ADAMTS18: variants seen among roughly 807,000 people sequenced by gnomAD.
ADAMTS18 encodes the protein ADAM metallopeptidase with thrombospondin type 1 motif 18, also known as A disintegrin and metalloproteinase with thrombospondin motifs 18.
In ADAMTS18, 157 loss-of-function variants were observed where a neutral mutation model predicts 165.9. That is an observed-to-expected ratio of 0.95 (90% CI 0.83 to 1.08). ADAMTS18 has a LOEUF of 1.08. Among genes scored for constraint, ADAMTS18 ranks in the 50% least tolerant of loss-of-function variants. The pLI is 0.00. For synonymous variants in ADAMTS18, 782 were observed against 578.2 expected (o/e 1.35, Z -5.06); for missense variants, 2,040 against 1,534.0 (o/e 1.33, Z -5.51).
At chr16:77,399,818 A>C (rs1181532364) in intron 3 of ADAMTS18, among the ~76,000 whole-genome samples, 1 of 152,034 alleles carries the variant, frequency 6.6e-6, no homozygotes, top group Non-Finnish European at 1.5e-5. Flanking sequence ...TGCTACTACC[A>C]CTCCTACTAA....
chr16:77,413,380 G>T (rs902958757), intron 3 of ADAMTS18, among the ~76,000 whole-genome samples: 1 of 152,126 alleles, frequency 6.6e-6, no homozygotes, highest in Admixed American at 6.5e-5. Context: ...CTTACTCCTG[G>T]GGTGACTTCT....
At chr16:77,389,292 G>A (rs1309712954) in intron 3 of ADAMTS18, among the ~76,000 whole-genome samples, 2 of 152,178 alleles carry the variant, frequency 1.3e-5, no homozygotes, top group African/African-American at 4.8e-5. Context: ...GCGACAGAGT[G>A]AGACTTTATC....
Position 77,334,211 on chromosome 16 carries a change from CAGTGTTATATATTATATATAATATAT to C in ADAMTS18, c.1859+1519_1859+1544del, listed in dbSNP as rs1567491089. Reference sequence around the variant, plus strand: ...AGTGTTATATATTACATATAATATACAGTGTTATATATTATATATAATATATAGTGTTATATATTACATATAATATA... The same window carrying C: ...AGTGTTATATATTACATATAATATACAGTGTTATATATTACATATAATATA... On this transcript the variant is annotated intron_variant, in intron 12 of 22. Coordinates refer to ENST00000282849, the MANE Select transcript of ADAMTS18 (RefSeq NM_199355.4). Among the ~76,000 whole-genome samples the C allele has an allele frequency of 2.3e-3, 65 of 28,184 alleles. 11 individuals carry two copies. Among genetic ancestry groups the C allele is most frequent in the Non-Finnish European group, 3.7e-3 (55 of 14,682 alleles). 18.5% of individuals were successfully genotyped at this position (28,184 alleles called of 152,430 possible).
intron 11 of ADAMTS18, among the ~76,000 whole-genome samples, chr16:77,338,925 G>C (rs1300587028): frequency 6.9e-6 from 1 of 145,826 alleles, no homozygotes; most frequent in African/African-American, 2.6e-5. Flanking sequence ...CTGCACTCCA[G>C]CCTGGGCGAC....
chr16:77,399,097 C>G (rs1188673086), intron 3 of ADAMTS18, among the ~76,000 whole-genome samples: 5 of 152,196 alleles, frequency 3.3e-5, no homozygotes, highest in Non-Finnish European at 7.3e-5. Flanking sequence ...CACTTTCATT[C>G]CATGTGATTC....
chr16:77,389,525 G>C (rs1274128559), intron 3 of ADAMTS18, among the ~76,000 whole-genome samples: 1 of 152,152 alleles, frequency 6.6e-6, no homozygotes, highest in Non-Finnish European at 1.5e-5. Flanking sequence ...AGTAGGACCT[G>C]CGAATAAGTA....
intron 3 of ADAMTS18, among the ~76,000 whole-genome samples, chr16:77,374,796 A>G (rs2056925617): frequency 6.6e-6 from 1 of 152,214 alleles, no homozygotes. Flanking sequence ...TATTGAGACA[A>G]ACACTTTGTC....
At chr16:77,368,533 C>G (rs1381125286) in intron 3 of ADAMTS18, among the ~76,000 whole-genome samples, 1 of 148,378 alleles carries the variant, frequency 6.7e-6, no homozygotes, top group African/African-American at 2.5e-5. Context: ...ACCTACTGGT[C>G]TCAAGCAATC....
At chr16:77,309,847 A>C (rs59945131) in intron 16 of ADAMTS18, among the ~76,000 whole-genome samples, 35,900 of 152,098 alleles carry the variant, frequency 0.24, 4,928 homozygotes, top group East Asian at 0.62. Context: ...TCCACTGTGA[A>C]CTAACTGGTC....
At position 77,291,411 on chromosome 16, in the gene ADAMTS18, C is replaced by G; in HGVS notation, c.3257G>C (p.Gly1086Ala). 6.2e-7 allele frequency: 1 copy of G among 1,614,136 alleles called. No homozygotes were observed. Among genetic ancestry groups the G allele is most frequent in the Non-Finnish European group, 8.5e-7 (1 of 1,180,012 alleles). Residue 1086 changes from glycine to alanine, a missense_variant, in exon 21 of 23, where the codon GGA becomes GCA. By Grantham distance (60) the Gly-to-Ala change is moderately conservative. Transcript: ENST00000282849. The stretch of plus-strand genomic sequence containing the variant: ...TCGCTCTGGGAAAGTTATCAGCTTT[C>G]CCTGGAAGCCCTTCTCGCTGCACTT... ...EMKCSEKGFQ[G>A]KLITFPERRC...
At chr16:77,326,105 A>G (rs2144651356) in intron 12 of ADAMTS18, 67 bp from the exon 13 acceptor site, 1 of 1,494,564 alleles carries the variant, frequency 6.7e-7, no homozygotes, top group East Asian at 2.3e-5. Context: ...ACATGCAATA[A>G]TATGAAGAGA....
chr16:77,331,819 T>G (rs949090709), intron 12 of ADAMTS18, among the ~76,000 whole-genome samples: 6 of 152,170 alleles, frequency 3.9e-5, no homozygotes, highest in African/African-American at 1.4e-4. Context: ...TATTTTAGCC[T>G]GCGATATTCG....
chr16:77,304,433 C>A (rs934135969), intron 16 of ADAMTS18, among the ~76,000 whole-genome samples: 3 of 152,190 alleles, frequency 2.0e-5, no homozygotes, highest in Non-Finnish European at 2.9e-5. Context: ...TGCACTCCAG[C>A]CTGGGCCATA....
chr16:77,343,429 T>C (rs149732176), intron 10 of ADAMTS18, among the ~76,000 whole-genome samples: 1 of 152,362 alleles, frequency 6.6e-6, no homozygotes, highest in East Asian at 1.9e-4. Context: ...TAAATGTGTG[T>C]TGCCTTAAGT....
At chr16:77,370,722 C>T (rs573101422) in intron 3 of ADAMTS18, among the ~76,000 whole-genome samples, 3 of 151,850 alleles carry the variant, frequency 2.0e-5, no homozygotes, top group East Asian at 1.9e-4. Context: ...TGCACTCCAG[C>T]GTGGGCATTA....
At chr16:77,406,764 C>T (rs760750765) in intron 3 of ADAMTS18, among the ~76,000 whole-genome samples, 23 of 151,874 alleles carry the variant, frequency 1.5e-4, no homozygotes, top group Non-Finnish European at 3.1e-4. Flanking sequence ...ACACACACAG[C>T]CATAAAAAAG....
chr16:77,427,561 A>G (rs1050199221), intron 3 of ADAMTS18, among the ~76,000 whole-genome samples: 1 of 152,218 alleles, frequency 6.6e-6, no homozygotes, highest in African/African-American at 2.4e-5. Context: ...CAAAGGCTGC[A>G]AATCCTAGCA....
intron 19 of ADAMTS18, among the ~76,000 whole-genome samples, chr16:77,294,672 G>C (rs189736757): frequency 1.1e-4 from 16 of 152,254 alleles, no homozygotes; most frequent in African/African-American, 3.6e-4. Context: ...CTGTGCTCAC[G>C]AGTCTGGCCT....
chr16:77,304,008 C>T (rs563009362), intron 16 of ADAMTS18, among the ~76,000 whole-genome samples: 1 of 152,132 alleles, frequency 6.6e-6, no homozygotes, highest in African/African-American at 2.4e-5. Context: ...CCAGCCTGGG[C>T]GACAGAGCAA....
Sources: allele counts gnomAD v4.1 joint callset (sites outside exome capture counted in the v4.1 genomes callset), GRCh38; gene constraint gnomAD v4.1.1; transcripts MANE v1.5; gene names NCBI Gene and HGNC (gene_info 2026-07-23, HGNC 2026-07-21).